TGS1: variants seen among roughly 807,000 people sequenced by gnomAD.
TGS1 encodes the protein trimethylguanosine synthase.
TGS1 carries 69 observed loss-of-function variants against 92.2 expected under a neutral mutation model. That is an observed-to-expected ratio of 0.75 (90% CI 0.62 to 0.91). TGS1 has a LOEUF of 0.91. TGS1 is among the 40% of genes least tolerant of loss of function. TGS1 has a pLI of 0.00. For missense variants in TGS1, 1,062 were observed against 1,001.2 expected (o/e 1.06, Z -0.82); for synonymous variants, 345 against 338.1 (o/e 1.02, Z -0.22).
At chr8:55,795,068 A>G (rs1250096681) in intron 6 of TGS1, among the ~76,000 whole-genome samples, 1 of 152,220 alleles carries the variant, frequency 6.6e-6, no homozygotes, top group Non-Finnish European at 1.5e-5. Flanking sequence ...TAGTTCATAT[A>G]ATCATTTAAG....
intron 12 of TGS1, among the ~76,000 whole-genome samples, chr8:55,813,667 T>C (rs1344419546): frequency 6.6e-6 from 1 of 152,232 alleles, no homozygotes; most frequent in Non-Finnish European, 1.5e-5. Context: ...ATGTTTTTTG[T>C]GTTTTTTATT....
intron 12 of TGS1, among the ~76,000 whole-genome samples, chr8:55,818,192 G>T (rs1803536149): frequency 6.6e-6 from 1 of 152,026 alleles, no homozygotes; most frequent in Admixed American, 6.5e-5. Flanking sequence ...TCAGTAACTG[G>T]TTACCAATTT....
Position 55,781,856 on chromosome 8 carries a change from G to A in TGS1, c.102-892G>A, listed in dbSNP as rs187120532. On this transcript the variant is annotated intron_variant, in intron 1 of 12. Transcript: ENST00000260129. ...AATTGGCCTTCTTGTGGCAGTTACA[G>A]TGGAGTTTATTACAGCTGAATTTAT... Among the ~76,000 whole-genome samples the A allele has an allele frequency of 4.5e-3, 679 of 152,334 alleles. 3 individuals carry two copies. The highest frequency in any genetic ancestry group is 0.016 in the African/African-American group (653 of 41,570).
intron 10 of TGS1, among the ~76,000 whole-genome samples, chr8:55,807,642 C>T (rs1270041968): frequency 6.6e-6 from 1 of 152,034 alleles, no homozygotes; most frequent in African/African-American, 2.4e-5. Flanking sequence ...ATCCTCCCAT[C>T]TCAGCCTCCC....
chr8:55,805,129 T>C (rs904987519), intron 10 of TGS1, 93 bp downstream of exon 10: 1 of 882,568 alleles, frequency 1.1e-6, no homozygotes, highest in African/African-American at 1.7e-5. Context: ...TGAGATTTAA[T>C]ATATAATTAA....
chr8:55,818,189 C>G (rs1287754957), intron 12 of TGS1, among the ~76,000 whole-genome samples: 1 of 152,116 alleles, frequency 6.6e-6, no homozygotes, highest in Non-Finnish European at 1.5e-5. Context: ...CTTTCAGTAA[C>G]TGGTTACCAA....
At chr8:55,796,763 G>A (rs1812066089) in intron 7 of TGS1, among the ~76,000 whole-genome samples, 1 of 152,110 alleles carries the variant, frequency 6.6e-6, no homozygotes, top group Non-Finnish European at 1.5e-5. Flanking sequence ...GGCTGAGGCG[G>A]ATGGATCACC....
intron 12 of TGS1, among the ~76,000 whole-genome samples, chr8:55,822,582 C>A (rs1439882948): frequency 1.3e-5 from 2 of 150,300 alleles, no homozygotes; most frequent in Non-Finnish European, 1.5e-5. Context: ...TGTAAAAAAA[C>A]CAGACTGGCA....
chr8:55,786,827 G>A lies in TGS1; in HGVS notation c.929G>A (p.Ser310Asn), dbSNP rs757699524. The A allele has an allele frequency of 6.2e-7, 1 of 1,614,118 alleles. No individual in the cohort carries two copies. Among genetic ancestry groups the A allele is most frequent in the South Asian group, 1.1e-5 (1 of 91,076 alleles). The change falls in exon 4 of 13, where the codon AGT becomes AAT. Residue 310 changes from serine (S) to asparagine (N), a missense_variant. Physicochemically the swap from Ser to Asn is conservative, Grantham distance 46 (BLOSUM62 1). Coordinates refer to ENST00000260129, the MANE Select transcript of TGS1 (RefSeq NM_024831.8). ...GTTGATAATGATAGCTCTGGTACAA[G>A]TGATAAGGATCATAGTGAAATACTT... is the stretch of plus-strand genomic sequence containing the variant. ...IMVDNDSSGT[S>N]DKDHSEILDG...
chr8:55,822,711 G>C (rs535460652), intron 12 of TGS1, among the ~76,000 whole-genome samples: 4 of 146,310 alleles, frequency 2.7e-5, no homozygotes, highest in African/African-American at 1.1e-4. Flanking sequence ...AAAAATAGTG[G>C]GGGGGGTGCT....
At chr8:55,793,738 AT>A (rs1177134329) in intron 6 of TGS1, among the ~76,000 whole-genome samples, 3 of 66,368 alleles carry the variant, frequency 4.5e-5, no homozygotes, top group Non-Finnish European at 8.7e-5. Context: ...CTGCTAATTT[AT>A]TTATTTATTT....
chr8:55,818,365 G>T (rs1280470162), intron 12 of TGS1, among the ~76,000 whole-genome samples: 1 of 152,086 alleles, frequency 6.6e-6, no homozygotes, highest in Non-Finnish European at 1.5e-5. Context: ...TAGAGATGGG[G>T]TTTCACCATG....
At position 55,810,947 on chromosome 8, in the gene TGS1, T is replaced by A. The variant is rs763714209; in HGVS notation, c.2210T>A (p.Ile737Lys). The A allele has an allele frequency of 6.2e-7, 1 of 1,614,102 alleles. No individual in the cohort carries two copies. The highest frequency in any genetic ancestry group is 1.7e-5 in the Admixed American group (1 of 59,998). ...LARNNAEVYG[I>K]ADKIEFICGD... is the part of the protein sequence containing the mutation. ...CGCAATAATGCAGAAGTTTATGGGA[T>A]AGCAGATAAGATAGAGTTCATCTGT... The change falls in exon 11 of 13, where the codon ATA (isoleucine) becomes AAA (lysine). Residue 737 changes from isoleucine to lysine, a missense_variant. Transcript: ENST00000260129.
intron 6 of TGS1, among the ~76,000 whole-genome samples, chr8:55,795,310 T>G (rs1812006550): frequency 6.6e-6 from 1 of 152,182 alleles, no homozygotes; most frequent in African/African-American, 2.4e-5. Context: ...TAAAAGAAGT[T>G]TATAATATGG....
chr8:55,814,506 T>C lies in TGS1; in HGVS notation c.2439+1388T>C, dbSNP rs113016605. Reference sequence around the variant, plus strand: ...TCTAAACATTAGGCCTCCCAAAATATTAATAGTATGTGTTATACCAGTTAT... The same window carrying C: ...TCTAAACATTAGGCCTCCCAAAATACTAATAGTATGTGTTATACCAGTTAT... On this transcript the variant is annotated intron_variant, in intron 12 of 12. Transcript: ENST00000260129. Among the ~76,000 whole-genome samples the C allele has an allele frequency of 6.0e-3, 904 of 151,770 alleles. 5 individuals are homozygous for C. The highest frequency in any genetic ancestry group is 0.02 in the African/African-American group (835 of 41,414).
In TGS1 at chr8:55,802,574, C is replaced by T. The variant is rs771365915; in HGVS notation, c.1967C>T (p.Ser656Phe). The part of the protein sequence containing the change: ...KYWAQRYRLF[S>F]RFDDGIKLDR... ...TGGGCCCAGAGGTACAGGCTCTTCTCCCGTTTTGATGATGGGATTAAGTTG... is the reference window on the plus strand; with the variant it reads ...TGGGCCCAGAGGTACAGGCTCTTCTTCCGTTTTGATGATGGGATTAAGTTG... The change falls in exon 9 of 13, where the codon TCC (serine) becomes TTC (phenylalanine). Residue 656 changes from serine to phenylalanine, a missense_variant. Transcript: ENST00000260129. The T allele has an allele frequency of 3.1e-6, 5 of 1,613,720 alleles. No homozygotes were observed. The South Asian group carries it at 4.4e-5, about 14-fold the overall frequency.
intron 2 of TGS1, among the ~76,000 whole-genome samples, chr8:55,784,988 T>A (rs555059927): frequency 2.0e-5 from 3 of 152,278 alleles, no homozygotes; most frequent in East Asian, 3.9e-4. Flanking sequence ...AATAAGAAAT[T>A]GATTCTTCCG....
intron 12 of TGS1, among the ~76,000 whole-genome samples, chr8:55,818,469 C>T (rs927847377): frequency 1.3e-5 from 2 of 152,240 alleles, no homozygotes; most frequent in Admixed American, 6.5e-5. Flanking sequence ...TCTAGACCAA[C>T]TCTGTTCTTG....
chr8:55,775,301 G>C (rs1027713297), intron 1 of TGS1, among the ~76,000 whole-genome samples: 42 of 152,072 alleles, frequency 2.8e-4, no homozygotes, highest in African/African-American at 9.4e-4. Flanking sequence ...AGAAGATAGG[G>C]TGTGCACAGT....
Sources: gnomAD v4.1 joint callset for allele counts (sites outside exome capture counted in the v4.1 genomes callset) on GRCh38, gnomAD v4.1.1 for gene constraint, MANE v1.5 for transcripts, NCBI Gene and HGNC (gene_info 2026-07-23, HGNC 2026-07-21) for gene names.